Variants in STAU2 observed in about 807,000 individuals in gnomAD.
STAU2 encodes the protein double-stranded RNA-binding protein Staufen homolog 2.
Under a neutral mutation model 65.9 loss-of-function variants are expected in STAU2, and 20 were observed. The ratio of observed to expected loss-of-function variants is 0.30; its 90% CI spans 0.21 to 0.44. The LOEUF (loss-of-function observed/expected upper bound fraction) is 0.44, where lower values mean the gene tolerates loss of function less well. STAU2 is among the 20% of genes least tolerant of loss of function. STAU2 has a pLI of 1.00. For synonymous variants in STAU2, 232 were observed against 233.9 expected (o/e 0.99, Z 0.07); for missense variants, 558 against 683.9 (o/e 0.82, Z 2.05).
intron 6 of STAU2, among the ~76,000 whole-genome samples, chr8:73,664,638 T>C (rs1372059499): frequency 6.6e-6 from 1 of 152,220 alleles, no homozygotes; most frequent in Admixed American, 6.5e-5. Flanking sequence ...AGAATAAACT[T>C]CATTTAATCA....
chr8:73,549,546 T>C (rs1807172109), intron 13 of STAU2: 1 of 816,284 alleles, frequency 1.2e-6, no homozygotes, highest in Non-Finnish European at 1.5e-6. Context: ...TTTTTGTAAT[T>C]TATAAATTCA....
chr8:73,601,678 C>T (rs886188592), intron 10 of STAU2, among the ~76,000 whole-genome samples: 6 of 151,954 alleles, frequency 3.9e-5, no homozygotes, highest in Non-Finnish European at 5.9e-5. Flanking sequence ...GAATTCAGTG[C>T]GAAAACATTT....
chr8:73,551,503 A>C (rs1807330456), intron 13 of STAU2: 1 of 987,032 alleles, frequency 1.0e-6, no homozygotes, highest in Admixed American at 6.2e-5. Context: ...ATTAACTCCT[A>C]AGGTAATAGA....
intron 12 of STAU2, among the ~76,000 whole-genome samples, chr8:73,570,325 T>C (rs1360872868): frequency 2.6e-5 from 4 of 152,162 alleles, no homozygotes; most frequent in African/African-American, 9.7e-5. Flanking sequence ...AAAGACCAAA[T>C]CTACGTCTGA....
chr8:73,578,422 AT>A (rs1255891159), intron 12 of STAU2, among the ~76,000 whole-genome samples: 1 of 152,188 alleles, frequency 6.6e-6, no homozygotes, highest in African/African-American at 2.4e-5. Flanking sequence ...ATTCTTGTCA[AT>A]GTAATTTTTT....
intron 13 of STAU2, among the ~76,000 whole-genome samples, chr8:73,536,257 T>C (rs557886489): frequency 6.6e-6 from 1 of 152,134 alleles, no homozygotes; most frequent in Non-Finnish European, 1.5e-5. Context: ...CAGTAGTGAA[T>C]TCCTAAGTTT....
In STAU2 at chr8:73,669,152, C is replaced by T. The variant is rs750013393; in HGVS notation, c.410+3955G>A. The T allele has an allele frequency of 5.7e-6, 4 of 700,416 alleles. No individual in the cohort carries two copies. In the South Asian group the frequency reaches 6.0e-5, roughly 10 times the overall value. 43.4% of individuals were successfully genotyped at this position (700,416 alleles called of 1,614,324 possible). On this transcript the variant is annotated intron_variant, in intron 6 of 14. Transcript: ENST00000524300. ...ATATGAGAAATCATGGTTGTAACAG[C>T]CTACTGAGTAATGGTTAGGTCTGCG...
intron 13 of STAU2, among the ~76,000 whole-genome samples, chr8:73,504,813 G>A (rs1044008025): frequency 4.6e-5 from 7 of 151,826 alleles, no homozygotes; most frequent in African/African-American, 1.7e-4. Flanking sequence ...TATGGCTATT[G>A]GTTTTCTTTC....
intron 13 of STAU2, among the ~76,000 whole-genome samples, chr8:73,500,677 G>A (rs751671941): frequency 2.6e-5 from 4 of 151,828 alleles, no homozygotes; most frequent in African/African-American, 7.3e-5. Context: ...ATAAGAATAT[G>A]ACCGTGATAA....
Position 73,422,680 on chromosome 8 carries a change from T to G in STAU2, c.1553A>C (p.Gln518Pro), listed in dbSNP as rs781461806. The G allele has an allele frequency of 1.3e-6, 2 of 1,505,676 alleles. No individual in the cohort carries two copies. The highest frequency in any genetic ancestry group is 1.3e-5 in the South Asian group (1 of 77,230). 93.3% of individuals were successfully genotyped at this position (1,505,676 alleles called of 1,614,324 possible). A position where few individuals can be genotyped will look rare whatever the true frequency, so the allele number is the denominator to read the frequency against. ...GFQAALSALKQFSEQGLDPID... is the reference protein window; with the variant it reads ...GFQAALSALKPFSEQGLDPID... ...TGGATCCAGTCCTTGTTCAGAAAAT[T>G]GTTTCAAGGCACTTAAGGCTGCCTA... The change falls in exon 14 of 15, where the codon CAA becomes CCA. Residue 518 changes from glutamine to proline, a missense_variant. Transcript: ENST00000524300.
At chr8:73,489,257 AT>A (rs1262247948) in intron 13 of STAU2, among the ~76,000 whole-genome samples, 1 of 152,006 alleles carries the variant, frequency 6.6e-6, no homozygotes, top group Non-Finnish European at 1.5e-5. Context: ...AATGAAAAAA[AT>A]ATTAATTGCA....
chr8:73,527,608 T>G (rs1221046582), intron 13 of STAU2: 3 of 991,240 alleles, frequency 3.0e-6, no homozygotes, highest in Admixed American at 4.1e-5. Context: ...CAAAGCTGCA[T>G]GTGCGCACAT....
chr8:73,623,151 TCTGA>T (rs1423937047), intron 6 of STAU2, among the ~76,000 whole-genome samples: 1 of 152,208 alleles, frequency 6.6e-6, no homozygotes, highest in Non-Finnish European at 1.5e-5. Flanking sequence ...TTCACTTATA[TCTGA>T]CTGTTAGTTG....
intron 13 of STAU2, among the ~76,000 whole-genome samples, chr8:73,462,142 T>C (rs1819387631): frequency 6.6e-6 from 1 of 152,198 alleles, no homozygotes. Context: ...TGCAGTGGCA[T>C]GATCTTGGAT....
At chr8:73,652,022 G>A (rs1479320020) in intron 6 of STAU2, among the ~76,000 whole-genome samples, 2 of 152,210 alleles carry the variant, frequency 1.3e-5, no homozygotes, top group African/African-American at 2.4e-5. Context: ...AGAGTCAAAC[G>A]CAGAAGTGGG....
chr8:73,614,704 A>G (rs1812709057), intron 8 of STAU2, among the ~76,000 whole-genome samples: 1 of 152,182 alleles, frequency 6.6e-6, no homozygotes, highest in Admixed American at 6.5e-5. Flanking sequence ...TGTTCCCAAG[A>G]ACACCTAAGA....
intron 13 of STAU2, among the ~76,000 whole-genome samples, chr8:73,470,909 G>C (rs1317805692): frequency 1.3e-5 from 2 of 152,074 alleles, no homozygotes; most frequent in Non-Finnish European, 2.9e-5. Flanking sequence ...ATAACACATA[G>C]GCATGTTTCC....
At chr8:73,631,206 T>G (rs537142600) in intron 6 of STAU2, among the ~76,000 whole-genome samples, 1 of 152,026 alleles carries the variant, frequency 6.6e-6, no homozygotes, top group Admixed American at 6.6e-5. Context: ...ACATAAAAAA[T>G]TATCTGGGCA....
chr8:73,590,521 A>G (rs1301705339), intron 11 of STAU2: 1 of 152,232 alleles, frequency 6.6e-6, no homozygotes. Context: ...GGAGGCTTAA[A>G]AAAGAAAAAA....
Sources: gnomAD v4.1 joint callset for allele counts (sites outside exome capture counted in the v4.1 genomes callset) on GRCh38, gnomAD v4.1.1 for gene constraint, MANE v1.5 for transcripts, NCBI Gene and HGNC (gene_info 2026-07-23, HGNC 2026-07-21) for gene names.